Variants in SMPD2 observed in about 807,000 individuals in gnomAD.
The protein encoded by SMPD2 is N-SMase.
A neutral mutation model predicts 41.7 loss-of-function variants in SMPD2; 35 were observed. That is an observed-to-expected ratio of 0.84 (90% CI 0.64 to 1.11). SMPD2 has a LOEUF of 1.11. SMPD2 is among the 50% of genes most tolerant of loss of function. The pLI is 0.00. For missense variants in SMPD2, 520 were observed against 524.8 expected (o/e 0.99, Z 0.09); for synonymous variants, 201 against 208.2 (o/e 0.97, Z 0.30).
At position 109,442,849 on chromosome 6, in the gene SMPD2, C is replaced by T. The variant is rs1465154482; in HGVS notation, c.589C>T (p.Leu197Phe). Reference protein sequence around the residue: ...GCCLLKEWTGLHDAYLETRDF... With the variant: ...GCCLLKEWTGFHDAYLETRDF... ...CTGCCTGCTGAAGGAGTGGACAGGG[C>T]TTCATGATGCCTATCTTGAAACTCG... The change falls in exon 7 of 10, where the codon CTT (leucine) becomes TTT (phenylalanine). Residue 197 changes from leucine to phenylalanine, a missense_variant. Coordinates refer to ENST00000258052, the MANE Select transcript of SMPD2 (RefSeq NM_003080.3). 8.1e-6 allele frequency: 13 copies of T among 1,613,618 alleles called. No homozygotes were observed. Among genetic ancestry groups the T allele is most frequent in the Non-Finnish European group, 1.0e-5 (12 of 1,179,694 alleles).
chr6:109,443,109 C>T, intron 8 of SMPD2, 28 bp downstream of exon 8: 1 of 1,583,970 alleles, frequency 6.3e-7, no homozygotes, highest in Non-Finnish European at 8.7e-7. Flanking sequence ...AACATGCTTT[C>T]ATATGCTGTG....
At position 109,440,923 on chromosome 6, in the gene SMPD2, G is replaced by A. The variant is rs889276437; in HGVS notation, c.-199G>A. 3.4e-6 allele frequency: 2 copies of A among 593,864 alleles called. No individual in the cohort carries two copies. The highest frequency in any genetic ancestry group is 4.0e-5 in the African/African-American group (2 of 50,272). 36.8% of individuals were successfully genotyped at this position (593,864 alleles called of 1,614,324 possible). A position where few individuals can be genotyped will look rare whatever the true frequency, so the allele number is the denominator to read the frequency against. The stretch of plus-strand genomic sequence containing the variant: ...GCCTTTCCGGGTTGGCGGCCCGCCT[G>A]ATTGGGAACAGCCGGCCGGTTGCCG... On this transcript the variant is annotated 5_prime_UTR_variant, in exon 1 of 10. Transcript: ENST00000258052.
chr6:109,442,586 A>G lies in SMPD2; in HGVS notation c.452A>G (p.His151Arg). 2 of 1,614,124 alleles carry G rather than the reference A, an allele frequency of 1.2e-6. No individual in the cohort carries two copies. Among genetic ancestry groups the G allele is most frequent in the African/African-American group, 1.3e-5 (1 of 75,030 alleles). Residue 151 changes from histidine to arginine, a missense_variant, in exon 6 of 10, where the codon CAT becomes CGT. Physicochemically the swap from His to Arg is conservative, Grantham distance 29. Transcript: ENST00000258052. Reference sequence around the variant, plus strand: ...CGACAGAAGGACATCTACCTAGCACATCGTGTGGCCCAAGCTTGGGAATTG... The same window carrying G: ...CGACAGAAGGACATCTACCTAGCACGTCGTGTGGCCCAAGCTTGGGAATTG... ...YNRQKDIYLA[H>R]RVAQAWELAQ...
intron 3 of SMPD2, 33 bp downstream of exon 3, chr6:109,441,661 A>G: frequency 6.2e-7 from 1 of 1,602,974 alleles, no homozygotes; most frequent in South Asian, 1.1e-5. Context: ...GCCTGTTGTC[A>G]TCCCAGGAGG....
chr6:109,442,382 C>T, intron 5 of SMPD2, 83 bp downstream of exon 5: 2 of 1,442,802 alleles, frequency 1.4e-6, no homozygotes, highest in Non-Finnish European at 1.9e-6. Flanking sequence ...AGCTCTCATA[C>T]CTGGGGATGA....
At position 109,443,703 on chromosome 6, in the gene SMPD2, T is replaced by C. The variant is rs1181638817; in HGVS notation, c.1070T>C (p.Leu357Pro). 1.2e-6 allele frequency: 2 copies of C among 1,613,902 alleles called. No homozygotes were observed. The highest frequency in any genetic ancestry group is 1.3e-5 in the African/African-American group (1 of 74,918). ...GGGGCCGGGGAAGCTGCCATACTGC[T>C]CTGGACCCCCAGTGTAGGGCTGGTG... ...GGGAGEAAIL[L>P]WTPSVGLVLW... Residue 357 changes from leucine to proline, a missense_variant, in exon 10 of 10, where the codon CTC becomes CCC. Leu to Pro is a moderately conservative substitution (Grantham distance 98). Transcript: ENST00000258052.
In SMPD2 at chr6:109,441,083, A is replaced by T. The variant is rs1391931737; in HGVS notation, c.-39A>T. On this transcript the variant is annotated 5_prime_UTR_variant, in exon 1 of 10. Coordinates refer to ENST00000258052, the MANE Select transcript of SMPD2 (RefSeq NM_003080.3). ...CCGTCCCCACCGCGGCCGTCGCTGG[A>T]GAGTTCGAGCCGCCTAGCGCCCCTG... 1.9e-6 allele frequency: 3 copies of T among 1,611,152 alleles called. No homozygotes were observed. In the African/African-American group the frequency reaches 4.0e-5, roughly 22 times the overall value.
chr6:109,441,480 C>T (rs1216396982), intron 2 of SMPD2, 27 bp downstream of exon 2: 1 of 1,611,976 alleles, frequency 6.2e-7, no homozygotes, highest in African/African-American at 1.3e-5. Flanking sequence ...CGGTGCGGAA[C>T]CCAGGCTGGG....
intron 6 of SMPD2, 40 bp downstream of exon 6, chr6:109,442,665 C>T: frequency 6.2e-7 from 1 of 1,614,136 alleles, no homozygotes; most frequent in Non-Finnish European, 8.5e-7. Flanking sequence ...TGGGATGGGA[C>T]CCAGGGGCTG....
Position 109,441,017 on chromosome 6 carries a change from G to A in SMPD2, c.-105G>A, listed in dbSNP as rs1774842685. Reference sequence around the variant, plus strand: ...GTGCCCACCTGTGCGCGCCGCCTGCGAAGAAGGAACGGTCTGGGGAGAAGG... The same window carrying A: ...GTGCCCACCTGTGCGCGCCGCCTGCAAAGAAGGAACGGTCTGGGGAGAAGG... On this transcript the variant is annotated 5_prime_UTR_variant, in exon 1 of 10. Coordinates refer to ENST00000258052, the MANE Select transcript of SMPD2 (RefSeq NM_003080.3). 8.3e-7 allele frequency: 1 copy of A among 1,198,924 alleles called. No homozygotes were observed. The highest frequency in any genetic ancestry group is 2.0e-5 in the Admixed American group (1 of 49,274). 74.3% of individuals were successfully genotyped at this position (1,198,924 alleles called of 1,614,324 possible).
chr6:109,440,792 A>G lies in SMPD2; in HGVS notation c.-330A>G. On this transcript the variant is annotated 5_prime_UTR_variant, in exon 1 of 10. Transcript: ENST00000258052. ...CCGCGACCGCCGGGGACGAGCTTGG[A>G]GGAAAAGGAACCGGGAGCCGCCCAC... 1 of 347,690 alleles carries G rather than the reference A, an allele frequency of 2.9e-6. No individual in the cohort carries two copies. The highest frequency in any genetic ancestry group is 5.7e-5 in the East Asian group (1 of 17,442). 21.5% of individuals were successfully genotyped at this position (347,690 alleles called of 1,614,324 possible). A position where few individuals can be genotyped will look rare whatever the true frequency, so the allele number is the denominator to read the frequency against.
rs539145657 is a variant in SMPD2, at chr6:109,442,388, G to A, written c.408+89G>A. On this transcript the variant is annotated intron_variant, in intron 5 of 9. Transcript: ENST00000258052. ...TACTTCTCTAGCTCTCATACCTGGG[G>A]ATGAGGTGTGGGGGCAAGATCTTAT... The A allele has an allele frequency of 8.5e-5, 118 of 1,395,906 alleles. No homozygotes were observed. The African/African-American group carries it at 1.5e-3, about 18-fold the overall frequency. The allele number at this position is 1,395,906 out of a possible 1,614,324, so 86.5% of individuals were successfully genotyped here.
In SMPD2 at chr6:109,443,084, C is replaced by T; in HGVS notation, c.729+3C>T. 6.2e-7 allele frequency: 1 copy of T among 1,610,714 alleles called. No homozygotes were observed. Among genetic ancestry groups the T allele is most frequent in the Non-Finnish European group, 8.5e-7 (1 of 1,176,886 alleles). Reference sequence around the variant, plus strand: ...GCATTGACTACGTGCTTTACAAGGTCAGGCTCCTCCCTTCAACATGCTTTC... The same window carrying T: ...GCATTGACTACGTGCTTTACAAGGTTAGGCTCCTCCCTTCAACATGCTTTC... On this transcript the variant is annotated splice_donor_region_variant and intron_variant, in intron 8 of 9. Transcript: ENST00000258052.
In SMPD2 at chr6:109,441,041, G is replaced by T; in HGVS notation, c.-81G>T. 1 of 1,450,688 alleles carries T rather than the reference G, an allele frequency of 6.9e-7. No individual in the cohort carries two copies. The highest frequency in any genetic ancestry group is 9.7e-7 in the Non-Finnish European group (1 of 1,036,028). The allele number at this position is 1,450,688 out of a possible 1,614,324, so 89.9% of individuals were successfully genotyped here. ...CGAAGAAGGAACGGTCTGGGGAGAA[G>T]GCGCCGCCGGCCGCCCCCGTCCCCA... On this transcript the variant is annotated 5_prime_UTR_variant, in exon 1 of 10. The change creates a new upstream start codon in the 5' untranslated region. Transcript: ENST00000258052.
At position 109,440,864 on chromosome 6, in the gene SMPD2, C is replaced by T. The variant is rs115963563; in HGVS notation, c.-258C>T. 2,947 of 531,562 alleles carry T rather than the reference C, an allele frequency of 5.5e-3. 89 individuals carry two copies. The highest frequency in any genetic ancestry group is 0.055 in the African/African-American group (2,691 of 48,878). 32.9% of individuals were successfully genotyped at this position (531,562 alleles called of 1,614,324 possible). ...CCAGGGTCCTAGCGCGCGGCCCTTACCGAGCCTGGGCGCCCGGATTTCGGC... is the reference window on the plus strand; with the variant it reads ...CCAGGGTCCTAGCGCGCGGCCCTTATCGAGCCTGGGCGCCCGGATTTCGGC... On this transcript the variant is annotated 5_prime_UTR_variant, in exon 1 of 10. Coordinates refer to ENST00000258052, the MANE Select transcript of SMPD2 (RefSeq NM_003080.3).
Position 109,442,964 on chromosome 6 carries a change from A to G in SMPD2, c.625-13A>G, listed in dbSNP as rs757760010. Reference sequence around the variant, plus strand: ...CTCCCCCACATCCTAGCATGAGCCAATGATTCCCTTAGGGCTCTGAGGAAG... The same window carrying G: ...CTCCCCCACATCCTAGCATGAGCCAGTGATTCCCTTAGGGCTCTGAGGAAG... On this transcript the variant is annotated splice_polypyrimidine_tract_variant and intron_variant, in intron 7 of 9. Transcript: ENST00000258052. 1.9e-5 allele frequency: 30 copies of G among 1,613,368 alleles called. No individual in the cohort carries two copies. The Middle Eastern group carries it at 8.2e-4, about 44-fold the overall frequency.
Position 109,441,572 on chromosome 6 carries a change from C to G in SMPD2, c.168C>G (p.Phe56Leu). 6.2e-7 allele frequency: 1 copy of G among 1,614,198 alleles called. No homozygotes were observed. The highest frequency in any genetic ancestry group is 8.5e-7 in the Non-Finnish European group (1 of 1,180,014). The part of the protein sequence containing the change: ...LLEEVWSEQD[F>L]QYLRQKLSPT... ...CTCAGGTGTGGAGTGAGCAGGACTT[C>G]CAGTACCTGAGACAGAAGCTGTCAC... is the stretch of plus-strand genomic sequence containing the variant. Residue 56 changes from phenylalanine to leucine, a missense_variant, in exon 3 of 10, where the codon TTC (phenylalanine) becomes TTG (leucine). By Grantham distance (22) the Phe-to-Leu change is conservative. Transcript: ENST00000258052.
chr6:109,441,716 G>A (rs966532094), intron 3 of SMPD2, 88 bp downstream of exon 3: 2 of 1,218,982 alleles, frequency 1.6e-6, no homozygotes, highest in Non-Finnish European at 2.4e-6. Context: ...GCACTCTCCA[G>A]TCTCCTCCAG....
Position 109,441,389 on chromosome 6 carries a change from A to G in SMPD2, c.83A>G (p.Asp28Gly), listed in dbSNP as rs1301480148. The part of the protein sequence containing the change: ...GIPYLSKHRA[D>G]RMRRLGDFLN... ...CCGTACTTGAGCAAGCACCGGGCCG[A>G]CCGCATGAGGCGCCTGGGAGACTTT... Residue 28 changes from aspartate to glycine, a missense_variant, in exon 2 of 10, where the codon GAC becomes GGC. By Grantham distance (94) the Asp-to-Gly change is moderately conservative. Coordinates refer to ENST00000258052, the MANE Select transcript of SMPD2 (RefSeq NM_003080.3). 1 of 1,613,944 alleles carries G rather than the reference A, an allele frequency of 6.2e-7. No homozygotes were observed. Among genetic ancestry groups the G allele is most frequent in the East Asian group, 2.2e-5 (1 of 44,888 alleles).
Sources: gnomAD v4.1 joint callset for allele counts on GRCh38, gnomAD v4.1.1 for gene constraint, MANE v1.5 for transcripts, NCBI Gene and HGNC (gene_info 2026-07-23, HGNC 2026-07-21) for gene names.